The following SORCS3 variants were observed in gnomAD, a reference collection of about 807,000 sequenced individuals.
SORCS3 encodes the protein VPS10 domain-containing receptor SorCS3.
SORCS3 carries 57 observed loss-of-function variants against 146.3 expected under a neutral mutation model. The ratio of observed to expected loss-of-function variants is 0.39; its 90% CI spans 0.31 to 0.49. The LOEUF is 0.49. SORCS3 is among the 20% of genes least tolerant of loss of function. The pLI, the probability that SORCS3 is intolerant of heterozygous loss-of-function variation, is 0.92. For missense variants in SORCS3, 1,341 were observed against 1,575.5 expected (o/e 0.85, Z 2.52); for synonymous variants, 653 against 618.5 (o/e 1.06, Z -0.83).
At chr10:104,841,881 G>A (rs748945191) in intron 1 of SORCS3, among the ~76,000 whole-genome samples, 3 of 152,158 alleles carry the variant, frequency 2.0e-5, no homozygotes, top group Non-Finnish European at 4.4e-5. Context: ...GTGCAGGCAG[G>A]CAATGTGTAT....
intron 10 of SORCS3, among the ~76,000 whole-genome samples, chr10:105,157,640 G>C (rs1011664067): frequency 6.6e-6 from 1 of 152,166 alleles, no homozygotes; most frequent in African/African-American, 2.4e-5. Flanking sequence ...GTAAATGCTT[G>C]CTAGATGTTG....
intron 20 of SORCS3, among the ~76,000 whole-genome samples, chr10:105,225,155 C>T (rs2056726818): frequency 6.6e-6 from 1 of 152,008 alleles, no homozygotes; most frequent in Non-Finnish European, 1.5e-5. Flanking sequence ...ATGACTTCTC[C>T]ATACCCAACA....
intron 2 of SORCS3, among the ~76,000 whole-genome samples, chr10:104,910,038 G>A (rs913306184): frequency 1.3e-5 from 2 of 152,180 alleles, no homozygotes; most frequent in Non-Finnish European, 2.9e-5. Context: ...GCCTCTGGAT[G>A]AGACAAGAAC....
intron 1 of SORCS3, among the ~76,000 whole-genome samples, chr10:104,691,382 A>G (rs1393027480): frequency 6.6e-6 from 1 of 152,252 alleles, no homozygotes; most frequent in Non-Finnish European, 1.5e-5. Context: ...TAAAAGAGAC[A>G]GACATAGAGA....
intron 25 of SORCS3, among the ~76,000 whole-genome samples, chr10:105,258,146 G>A (rs1173554616): frequency 3.9e-5 from 6 of 152,142 alleles, no homozygotes; most frequent in South Asian, 2.1e-4. Flanking sequence ...AGCATTAGCC[G>A]CAGCAGCAGG....
chr10:105,116,385 C>T (rs1315855013), intron 7 of SORCS3, among the ~76,000 whole-genome samples: 1 of 152,150 alleles, frequency 6.6e-6, no homozygotes, highest in Non-Finnish European at 1.5e-5. Flanking sequence ...TGCCAAAAAT[C>T]TGGGACAACT....
intron 2 of SORCS3, among the ~76,000 whole-genome samples, chr10:104,871,240 T>C (rs1374300508): frequency 6.6e-6 from 1 of 152,194 alleles, no homozygotes; most frequent in Non-Finnish European, 1.5e-5. Context: ...AAGAAACCAA[T>C]GCACAGGGAA....
At chr10:104,932,238 C>A (rs1340156565) in intron 3 of SORCS3, among the ~76,000 whole-genome samples, 1 of 152,184 alleles carries the variant, frequency 6.6e-6, no homozygotes, top group Non-Finnish European at 1.5e-5. Flanking sequence ...GGACCCTAAG[C>A]AAATTGTAAA....
At chr10:104,854,860 C>T (rs999400355) in intron 2 of SORCS3, among the ~76,000 whole-genome samples, 1 of 152,166 alleles carries the variant, frequency 6.6e-6, no homozygotes, top group African/African-American at 2.4e-5. Context: ...GCATAATCCC[C>T]TGGAGATTCA....
chr10:105,081,573 A>G (rs1015921370), intron 5 of SORCS3, among the ~76,000 whole-genome samples: 4 of 152,172 alleles, frequency 2.6e-5, no homozygotes, highest in Non-Finnish European at 5.9e-5. Context: ...CCTATTTTAT[A>G]TGGTAGGATT....
At chr10:104,787,320 C>T (rs1258609711) in intron 1 of SORCS3, among the ~76,000 whole-genome samples, 1 of 152,188 alleles carries the variant, frequency 6.6e-6, no homozygotes, top group African/African-American at 2.4e-5. Context: ...CTCACTGATG[C>T]TGGAGTCTCT....
rs1489371847 is a variant in SORCS3, at chr10:104,704,168, A to AG, written c.627+62214_627+62215insG. On this transcript the variant is annotated intron_variant, in intron 1 of 26. Transcript: ENST00000369701. ...TAGCTCATCCAAGTTTCCTTCTATG[A>AG]CTTTTTTTTTTTTTTTTTAGACAGG... Among the ~76,000 whole-genome samples, 342 of 78,066 alleles carry AG rather than the reference A, an allele frequency of 4.4e-3. 1 individual carries two copies. The highest frequency in any genetic ancestry group is 0.015 in the African/African-American group (321 of 20,826). The allele number at this position is 78,066 out of a possible 152,430, so 51.2% of individuals were successfully genotyped here.
intron 6 of SORCS3, among the ~76,000 whole-genome samples, chr10:105,101,042 G>A (rs1455759616): frequency 6.6e-6 from 1 of 152,126 alleles, no homozygotes; most frequent in Admixed American, 6.5e-5. Context: ...CAGAACCACT[G>A]GAGTATGCTC....
chr10:105,021,368 C>T (rs965674260), intron 4 of SORCS3, among the ~76,000 whole-genome samples: 2 of 152,098 alleles, frequency 1.3e-5, no homozygotes, highest in African/African-American at 4.8e-5. Flanking sequence ...CCCTTATGAA[C>T]CCAAAACTTC....
intron 2 of SORCS3, among the ~76,000 whole-genome samples, chr10:104,867,309 A>ATTTT (rs1258978078): frequency 7.2e-6 from 1 of 138,310 alleles, no homozygotes. Flanking sequence ...CCAGTGTACA[A>ATTTT]TTTTTTTTTT....
intron 1 of SORCS3, 68 bp downstream of exon 1, chr10:104,642,022 G>GGGGGGGCGGGGGCCCC: frequency 5.8e-6 from 1 of 173,336 alleles, no homozygotes; most frequent in Non-Finnish European, 1.1e-5. Context: ...GGGTGGGTGG[G>GGGGGGGCGGGGGCCCC]AGCGAGGGAC....
intron 1 of SORCS3, among the ~76,000 whole-genome samples, chr10:104,700,253 A>G (rs533204956): frequency 6.6e-6 from 1 of 152,332 alleles, no homozygotes; most frequent in South Asian, 2.1e-4. Context: ...ACCTTAACCA[A>G]ATGAAAAACT....
At chr10:104,775,587 A>AATC (rs1194604170) in intron 1 of SORCS3, among the ~76,000 whole-genome samples, 2 of 152,176 alleles carry the variant, frequency 1.3e-5, no homozygotes, top group Non-Finnish European at 2.9e-5. Flanking sequence ...TCCTGTTGAC[A>AATC]ATCAGGACAG....
intron 4 of SORCS3, among the ~76,000 whole-genome samples, chr10:105,019,584 T>C (rs973994028): frequency 1.3e-5 from 2 of 152,220 alleles, no homozygotes; most frequent in African/African-American, 4.8e-5. Flanking sequence ...GTGAAATTGA[T>C]CACACCCCTC....
Sources: gnomAD v4.1 joint callset for allele counts (sites outside exome capture counted in the v4.1 genomes callset) on GRCh38, gnomAD v4.1.1 for gene constraint, MANE v1.5 for transcripts, NCBI Gene and HGNC (gene_info 2026-07-23, HGNC 2026-07-21) for gene names.